Variants in PRF1 observed in about 807,000 individuals in gnomAD.
PRF1 encodes the protein perforin 1.
A neutral mutation model predicts 11.7 loss-of-function variants in PRF1; 11 were observed. That is an observed-to-expected ratio of 0.94 (90% CI 0.59 to 1.56). The LOEUF (loss-of-function observed/expected upper bound fraction) is 1.56, where lower values mean the gene tolerates loss of function less well. PRF1 is among the 40% of genes most tolerant of loss of function. The probability of loss-of-function intolerance (pLI) is 0.00; values close to 1 mark genes in which losing one functional copy is unlikely to be tolerated. For synonymous variants in PRF1, 314 were observed against 327.8 expected, an observed-to-expected ratio of 0.96 and a Z score of 0.45; for missense variants, 729 against 751.0, an observed-to-expected ratio of 0.97 and a Z score of 0.34.
chr10:70,601,478 T>C (rs1848228697), intron 1 of PRF1, among the ~76,000 whole-genome samples: 1 of 152,080 alleles, frequency 6.6e-6, no homozygotes, highest in African/African-American at 2.4e-5. Flanking sequence ...TCATTTTCCC[T>C]TTGGGGCTCT....
rs1315151477 is a variant in PRF1, at chr10:70,597,636, T to A, written c.*417A>T. On this transcript the variant is annotated 3_prime_UTR_variant, in exon 3 of 3. Transcript: ENST00000441259. ...TCTGTGTAGCTGTGACTGCAGGGCT[T>A]GAGAATGGCGGAGGGCTTAGGCAGT... 5.3e-6 allele frequency: 3 copies of A among 568,314 alleles called. No individual in the cohort carries two copies. The highest frequency in any genetic ancestry group is 9.2e-6 in the Non-Finnish European group (3 of 324,638). 35.2% of individuals were successfully genotyped at this position (568,314 alleles called of 1,614,324 possible).
At position 70,599,016 on chromosome 10, in the gene PRF1, G is replaced by A; in HGVS notation, c.705C>T (p.Ala235=). 6.2e-7 allele frequency: 1 copy of A among 1,613,804 alleles called. No individual in the cohort carries two copies. The highest frequency in any genetic ancestry group is 8.5e-7 in the Non-Finnish European group (1 of 1,179,726). The change falls in exon 3 of 3, where the codon GCC becomes GCT. Residue 235 remains alanine, a synonymous_variant. Transcript: ENST00000441259. ...GCTCGCAGGTGCGCAGGGCAGTGAGGGCCGATATGCGGCCACCCAGCTCCA... is the reference window on the plus strand; with the variant it reads ...GCTCGCAGGTGCGCAGGGCAGTGAGAGCCGATATGCGGCCACCCAGCTCCA... The part of the protein sequence containing the change: ...RAVELGGRIS[A]LTALRTCELA...
chr10:70,601,700 G>A (rs913326993), intron 1 of PRF1, among the ~76,000 whole-genome samples: 2 of 151,704 alleles, frequency 1.3e-5, no homozygotes, highest in Non-Finnish European at 2.9e-5. Flanking sequence ...ATGGTGGCGG[G>A]TGCCTGTAAT....
intron 1 of PRF1, among the ~76,000 whole-genome samples, 181 bp from the exon 2 acceptor site, chr10:70,601,113 G>A (rs1441747020): frequency 6.6e-6 from 1 of 152,238 alleles, no homozygotes; most frequent in Non-Finnish European, 1.5e-5. Context: ...GATGGGCCCA[G>A]AGAGGGGAAA....
rs777662073 is a variant in PRF1 at position 70,600,547 on chromosome 10, C to T, written c.356G>A (p.Arg119Gln). The change falls in exon 2 of 3, where the codon CGG (arginine) becomes CAG (glutamine). Residue 119 changes from arginine to glutamine, a missense_variant. Physicochemically the swap from Arg to Gln is conservative, Grantham distance 43. Transcript: ENST00000441259. This position sits in a 1 kb window ranked among gnomAD's most constrained non-coding sequence, Gnocchi z 4.9. Reference protein sequence around the residue: ...AKVSSTEAVARDAARSIRNDW... With the variant: ...AKVSSTEAVAQDAARSIRNDW... ...GTTGCGGATGCTACGAGCCGCATCCCGGGCCACAGCTTCAGTGGAGCTGAC... is the reference window on the plus strand; with the variant it reads ...GTTGCGGATGCTACGAGCCGCATCCTGGGCCACAGCTTCAGTGGAGCTGAC... 3.7e-5 allele frequency: 59 copies of T among 1,614,006 alleles called. No individual in the cohort carries two copies. The Admixed American group carries it at 6.2e-4, about 17-fold the overall frequency.
rs761293997 is a variant in PRF1, at chr10:70,598,915, T to C, written c.806A>G (p.His269Arg). Residue 269 changes from histidine to arginine, a missense_variant, in exon 3 of 3, where the codon CAC becomes CGC. By Grantham distance (29) the His-to-Arg change is conservative. Transcript: ENST00000441259. ...CTTGGCTTCGGCAGAGATGCTGCCG[T>C]GGATGCCTATGTTGACCTGGGCCTC... is the stretch of plus-strand genomic sequence containing the variant. ...TVEAQVNIGIHGSISAEAKAC... is the reference protein window; with the variant it reads ...TVEAQVNIGIRGSISAEAKAC... The C allele has an allele frequency of 1.5e-5, 24 of 1,614,126 alleles. No individual in the cohort carries two copies. In the South Asian group the frequency reaches 2.3e-4, roughly 16 times the overall value.
At chr10:70,599,810 C>T (rs1030766659) in intron 2 of PRF1, among the ~76,000 whole-genome samples, 1 of 152,200 alleles carries the variant, frequency 6.6e-6, no homozygotes, top group East Asian at 1.9e-4. Context: ...GTCTGGCCTA[C>T]AAACACTGTG....
Position 70,597,949 on chromosome 10 carries a change from G to T in PRF1, c.*104C>A. On this transcript the variant is annotated 3_prime_UTR_variant, in exon 3 of 3. Coordinates refer to ENST00000441259, the MANE Select transcript of PRF1 (RefSeq NM_001083116.3). ...CCATCCTGGGCCGCATGCGGGCCTC[G>T]GGTTGGACAAGCTTGGTCTAATGGG... 1.4e-6 allele frequency: 2 copies of T among 1,473,990 alleles called. No homozygotes were observed. The highest frequency in any genetic ancestry group is 2.4e-5 in the East Asian group (1 of 42,450). The allele number at this position is 1,473,990 out of a possible 1,614,324, so 91.3% of individuals were successfully genotyped here.
At position 70,600,391 on chromosome 10, in the gene PRF1, G is replaced by T. The variant is rs1455960914; in HGVS notation, c.512C>A (p.Thr171Asn). ...KTHQDQYSFS[T>N]DTVECRFYSF... ...GTAGAAGCGGCACTCCACCGTGTCA[G>T]TGCTGAAGCTGTACTGGTCCTGGTG... is the stretch of plus-strand genomic sequence containing the variant. The change falls in exon 2 of 3, where the codon ACT (threonine) becomes AAT (asparagine). Residue 171 changes from threonine to asparagine, a missense_variant. Coordinates refer to ENST00000441259, the MANE Select transcript of PRF1 (RefSeq NM_001083116.3). The surrounding 1 kb of genome is among the most constrained non-coding windows in gnomAD (Gnocchi z 4.9). The T allele has an allele frequency of 6.2e-6, 10 of 1,614,070 alleles. No homozygotes were observed. The Admixed American group carries it at 1.0e-4, about 16-fold the overall frequency.
At position 70,597,687 on chromosome 10, in the gene PRF1, G is replaced by C; in HGVS notation, c.*366C>G. The C allele has an allele frequency of 1.7e-6, 1 of 595,228 alleles. No homozygotes were observed. The highest frequency in any genetic ancestry group is 3.0e-6 in the Non-Finnish European group (1 of 337,368). 36.9% of individuals were successfully genotyped at this position (595,228 alleles called of 1,614,324 possible). ...TTGGACAGGGTGAATCGGGATTAGCGTGTAAACCCAGCCACCTCCCTGAAA... is the reference window on the plus strand; with the variant it reads ...TTGGACAGGGTGAATCGGGATTAGCCTGTAAACCCAGCCACCTCCCTGAAA... On this transcript the variant is annotated 3_prime_UTR_variant, in exon 3 of 3. Coordinates refer to ENST00000441259, the MANE Select transcript of PRF1 (RefSeq NM_001083116.3).
chr10:70,599,192 A>G lies in PRF1; in HGVS notation c.540-11T>C, dbSNP rs370811891. 3.7e-6 allele frequency: 6 copies of G among 1,614,036 alleles called. No homozygotes were observed. In the African/African-American group the frequency reaches 6.7e-5, roughly 18 times the overall value. On this transcript the variant is annotated splice_polypyrimidine_tract_variant and intron_variant, in intron 2 of 2. Transcript: ENST00000441259. ...TGTACCACATGGAAACTGCGAGAAG[A>G]GAGAGACCTCAGCTGGGCCCAGGGG...
rs751796432 is a variant in PRF1, at chr10:70,599,164, G to A, written c.557C>T (p.Thr186Ile). ...CTTGAAGTCAGGGTGCAGCGGGGGA[G>A]TGTGTACCACATGGAAACTGCGAGA... ...CRFYSFHVVH[T>I]PPLHPDFKRA... is the part of the protein sequence containing the mutation. The change falls in exon 3 of 3, where the codon ACT becomes ATT. Residue 186 changes from threonine to isoleucine, a missense_variant. Thr to Ile is a moderately conservative substitution (Grantham distance 89, BLOSUM62 -1). Coordinates refer to ENST00000441259, the MANE Select transcript of PRF1 (RefSeq NM_001083116.3). 108 of 1,614,086 alleles carry A rather than the reference G, an allele frequency of 6.7e-5. No individual in the cohort carries two copies. Among genetic ancestry groups the A allele is most frequent in the Non-Finnish European group, 8.3e-5 (98 of 1,180,036 alleles).
Position 70,600,897 on chromosome 10 carries a change from T to C in PRF1, c.6A>G (p.Ala2=), listed in dbSNP as rs750631860. The C allele has an allele frequency of 8.8e-6, 14 of 1,586,448 alleles. No individual in the cohort carries two copies. The African/African-American group carries it at 1.5e-4, about 17-fold the overall frequency. The change falls in exon 2 of 3, where the codon GCA becomes GCG. Residue 2 remains alanine, a synonymous_variant. Transcript: ENST00000441259. The surrounding 1 kb of genome is among the most constrained non-coding windows in gnomAD (Gnocchi z 4.9). M[A]ARLLLLGILL... is the part of the protein sequence containing the mutation. ...GGATGCCCAGGAGGAGCAGACGGGC[T>C]GCCATGGAGCTGCAGAGACAGGGGG...
At position 70,600,674 on chromosome 10, in the gene PRF1, C is replaced by A; in HGVS notation, c.229G>T (p.Glu77Ter). 6.2e-7 allele frequency: 1 copy of A among 1,613,856 alleles called. No individual in the cohort carries two copies. Among genetic ancestry groups the A allele is most frequent in the Non-Finnish European group, 8.5e-7 (1 of 1,179,928 alleles). The change falls in exon 2 of 3, where the codon GAA (glutamate) becomes TAA (stop). Residue 77 changes from glutamate (E) to a stop codon, truncating the protein, a stop_gained. Coordinates refer to ENST00000441259, the MANE Select transcript of PRF1 (RefSeq NM_001083116.3). LOFTEE classifies it high-confidence loss of function. The surrounding 1 kb of genome is among the most constrained non-coding windows in gnomAD (Gnocchi z 4.9). The part of the protein sequence containing the change: ...LRPDGTCTLC[E>*]NALQEGTLQR... ...AGGGTGCCCTCCTGTAGGGCATTTT[C>A]ACAGAGGGTGCAGGTGCCGTCGGGC...
Position 70,598,751 on chromosome 10 carries a change from G to A in PRF1, c.970C>T (p.Gln324Ter). 1 of 1,614,232 alleles carries A rather than the reference G, an allele frequency of 6.2e-7. No individual in the cohort carries two copies. The highest frequency in any genetic ancestry group is 8.5e-7 in the Non-Finnish European group (1 of 1,180,036). The change falls in exon 3 of 3, where the codon CAG becomes TAG. Residue 324 changes from glutamine (Q) to a stop codon, truncating the protein, a stop_gained. Transcript: ENST00000441259. LOFTEE classifies it low-confidence loss of function (END_TRUNC). ...LLFGIQAGPE[Q>*]YSAWVNSLPG... ...AGCGAGTTTACCCAGGCTGAGTACT[G>A]CTCGGGCCCGGCCTGGATCCCGAAC...
At position 70,597,930 on chromosome 10, in the gene PRF1, TG is replaced by T; in HGVS notation, c.*122del. The T allele has an allele frequency of 7.8e-7, 1 of 1,285,840 alleles. No homozygotes were observed. The highest frequency in any genetic ancestry group is 1.1e-6 in the Non-Finnish European group (1 of 912,964). 79.7% of individuals were successfully genotyped at this position (1,285,840 alleles called of 1,614,324 possible). A position where few individuals can be genotyped will look rare whatever the true frequency, so the allele number is the denominator to read the frequency against. ...CGTTGGGCCGCATTCAAAGCCATCC[TG>T]GGCCGCATGCGGGCCTCGGGTTGGA... On this transcript the variant is annotated 3_prime_UTR_variant, in exon 3 of 3. Transcript: ENST00000441259.
chr10:70,601,146 T>C (rs1848224713), intron 1 of PRF1, among the ~76,000 whole-genome samples: 1 of 152,110 alleles, frequency 6.6e-6, no homozygotes, highest in Non-Finnish European at 1.5e-5. Flanking sequence ...GGGAGCCCCT[T>C]TTTAGAATTT....
At position 70,598,568 on chromosome 10, in the gene PRF1, G is replaced by A. The variant is rs551046401; in HGVS notation, c.1153C>T (p.Arg385Trp). 9.7e-5 allele frequency: 157 copies of A among 1,612,648 alleles called. No individual in the cohort carries two copies. The East Asian group carries it at 2.1e-3, about 22-fold the overall frequency. Residue 385 changes from arginine (R) to tryptophan (W), a missense_variant, in exon 3 of 3, where the codon CGG (arginine) becomes TGG (tryptophan). Transcript: ENST00000441259. ...CATGGGTCTCGGGGGCTCTTCTGCC[G>A]CCCTGGTGGGCACGGCCGGCTGCAG... ...RDCSRPCPPG[R>W]QKSPRDPCQC...
At position 70,597,941 on chromosome 10, in the gene PRF1, C is replaced by G; in HGVS notation, c.*112G>C. The G allele has an allele frequency of 7.1e-7, 1 of 1,403,020 alleles. No homozygotes were observed. Among genetic ancestry groups the G allele is most frequent in the Non-Finnish European group, 9.8e-7 (1 of 1,017,656 alleles). 86.9% of individuals were successfully genotyped at this position (1,403,020 alleles called of 1,614,324 possible). Reference sequence around the variant, plus strand: ...ATTCAAAGCCATCCTGGGCCGCATGCGGGCCTCGGGTTGGACAAGCTTGGT... The same window carrying G: ...ATTCAAAGCCATCCTGGGCCGCATGGGGGCCTCGGGTTGGACAAGCTTGGT... On this transcript the variant is annotated 3_prime_UTR_variant, in exon 3 of 3. Transcript: ENST00000441259.
Sources: allele counts gnomAD v4.1 joint callset (sites outside exome capture counted in the v4.1 genomes callset), GRCh38; gene constraint gnomAD v4.1.1; non-coding constraint Gnocchi (gnomAD v3.1); transcripts MANE v1.5; gene names NCBI Gene and HGNC (gene_info 2026-07-23, HGNC 2026-07-21).